Variants in RAD51C observed in about 807,000 individuals in gnomAD.
RAD51C encodes the protein RAD51 paralog C.
Under a neutral mutation model 45.0 loss-of-function variants are expected in RAD51C, and 42 were observed. That is an observed-to-expected ratio of 0.93 (90% confidence interval 0.73 to 1.21). The LOEUF (loss-of-function observed/expected upper bound fraction) is 1.21, where lower values mean the gene tolerates loss of function less well. RAD51C is among the 50% of genes most tolerant of loss of function. The pLI, the probability that RAD51C is intolerant of heterozygous loss-of-function variation, is 0.00. For synonymous variants in RAD51C, 172 were observed against 159.8 expected (o/e 1.08, Z -0.58); for missense variants, 474 against 452.2 (o/e 1.05, Z -0.44).
intron 8 of RAD51C, chr17:58,732,873 T>G: frequency 3.2e-6 from 1 of 311,826 alleles, no homozygotes; most frequent in Non-Finnish European, 6.1e-6. Context: ...TTACTTATTT[T>G]GGTCTGTAGG....
At position 58,734,115 on chromosome 17, in the gene RAD51C, C is replaced by T. The variant is rs587782459; in HGVS notation, c.1027-3C>T. 1.9e-6 allele frequency: 3 copies of T among 1,611,560 alleles called. No individual in the cohort carries two copies. The Admixed American group carries it at 5.0e-5, about 27-fold the overall frequency. On this transcript the variant is annotated splice_polypyrimidine_tract_variant and splice_region_variant and intron_variant, in intron 8 of 8. Transcript: ENST00000337432. ...ATTTGTATATATATTTTTTATCTTT[C>T]AGCCTCAGGGATTTAGAGATACTGT...
rs587780839 is a variant in RAD51C at position 58,703,226 on chromosome 17, T to C, written c.602T>C (p.Leu201Pro). The C allele has an allele frequency of 6.2e-7, 1 of 1,610,436 alleles. No individual in the cohort carries two copies. The highest frequency in any genetic ancestry group is 2.2e-5 in the East Asian group (1 of 44,796). The change falls in exon 4 of 9, where the codon CTT becomes CCT. Residue 201 changes from leucine to proline, a missense_variant. Transcript: ENST00000337432. ...EHRKALEDFT[L>P]DNILSHIYYF... is the part of the protein sequence containing the mutation. ...CGAAAAGCTTTGGAGGATTTCACTC[T>C]TGATAATATTCTTTCTCATATTTAT... is the stretch of plus-strand genomic sequence containing the variant.
chr17:58,716,960 C>G (rs1195517044), intron 5 of RAD51C, among the ~76,000 whole-genome samples: 1 of 151,948 alleles, frequency 6.6e-6, no homozygotes, highest in Non-Finnish European at 1.5e-5. Flanking sequence ...ACCACCACGC[C>G]CGGCTAATTT....
chr17:58,720,957 C>T (rs1234337066), intron 6 of RAD51C, 145 bp downstream of exon 6: 9 of 682,506 alleles, frequency 1.3e-5, no homozygotes, highest in South Asian at 5.1e-5. Context: ...AGCACAGTAC[C>T]GTTAGATACT....
rs962908093 is a variant in RAD51C, at chr17:58,714,456, T to C, written c.837+4466T>C. Among the ~76,000 whole-genome samples the C allele has an allele frequency of 5.3e-5, 8 of 152,142 alleles. No individual in the cohort carries two copies. In the East Asian group the frequency reaches 9.7e-4, roughly 18 times the overall value. The stretch of plus-strand genomic sequence containing the variant: ...TTACCAACTTTGGGTACCAGTCTTT[T>C]ATTTATTTATTTATATCTTTGAGAC... On this transcript the variant is annotated intron_variant, in intron 5 of 8. Coordinates refer to ENST00000337432, the MANE Select transcript of RAD51C (RefSeq NM_058216.3).
chr17:58,716,196 A>G (rs2143896003), intron 5 of RAD51C, among the ~76,000 whole-genome samples: 1 of 152,292 alleles, frequency 6.6e-6, no homozygotes, highest in East Asian at 1.9e-4. Flanking sequence ...TCGTTTTGCA[A>G]AAGTAATATA....
chr17:58,705,820 CT>C (rs1306686854), intron 4 of RAD51C: 1 of 150,612 alleles, frequency 6.6e-6, no homozygotes, highest in Non-Finnish European at 1.5e-5. Context: ...CCTTGCCCCC[CT>C]ACCCCCTACC....
At chr17:58,709,421 C>T (rs913208951) in intron 4 of RAD51C, among the ~76,000 whole-genome samples, 6 of 152,206 alleles carry the variant, frequency 3.9e-5, no homozygotes, top group South Asian at 2.1e-4. Flanking sequence ...AAGCAGAGTC[C>T]GTTTTAACTT....
rs1567782451 is a variant in RAD51C, at chr17:58,692,623, G to A, written c.-21G>A. On this transcript the variant is annotated 5_prime_UTR_variant, in exon 1 of 9. Coordinates refer to ENST00000337432, the MANE Select transcript of RAD51C (RefSeq NM_058216.3). ...GGGCGTGCGGAGTTTGGCTGCTCCG[G>A]GGTTAGCAGGTGAGCCTGCGATGCG... 1 of 1,613,538 alleles carries A rather than the reference G, an allele frequency of 6.2e-7. No homozygotes were observed. Among genetic ancestry groups the A allele is most frequent in the East Asian group, 2.2e-5 (1 of 44,876 alleles).
chr17:58,728,648 T>G (rs2049271603), intron 7 of RAD51C, among the ~76,000 whole-genome samples: 1 of 152,070 alleles, frequency 6.6e-6, no homozygotes, highest in Non-Finnish European at 1.5e-5. Context: ...TCCACCTACC[T>G]CGGCCTCCTA....
chr17:58,732,269 T>C, intron 7 of RAD51C: 1 of 454,386 alleles, frequency 2.2e-6, no homozygotes, highest in Non-Finnish European at 3.9e-6. Context: ...ATTGGACTTT[T>C]AGGTTGCTTT....
chr17:58,724,749 T>C (rs2143967835), intron 7 of RAD51C, among the ~76,000 whole-genome samples: 1 of 152,306 alleles, frequency 6.6e-6, no homozygotes, highest in African/African-American at 2.4e-5. Flanking sequence ...AGCTGTGAAG[T>C]CTTTTCTACA....
At chr17:58,694,701 C>T in intron 1 of RAD51C, 1 of 504,354 alleles carries the variant, frequency 2.0e-6, no homozygotes, top group South Asian at 2.0e-5. Context: ...TCTTCAACTC[C>T]TGACCTCAGG....
chr17:58,703,203 A>G lies in RAD51C; in HGVS notation c.579A>G (p.Arg193=), dbSNP rs770096766. The change falls in exon 4 of 9, where the codon CGA becomes CGG. Residue 193 remains arginine (R), a synonymous_variant. Coordinates refer to ENST00000337432, the MANE Select transcript of RAD51C (RefSeq NM_058216.3). ...AGTGTTTTGTTGTTTCAGAACACCG[A>G]AAAGCTTTGGAGGATTTCACTCTTG... ...IAEKHKGEEH[R]KALEDFTLDN... The G allele has an allele frequency of 1.2e-6, 2 of 1,611,986 alleles. No homozygotes were observed. Among genetic ancestry groups the G allele is most frequent in the East Asian group, 2.2e-5 (1 of 44,800 alleles).
intron 1 of RAD51C, chr17:58,693,150 A>C: frequency 3.6e-6 from 1 of 277,654 alleles, no homozygotes; most frequent in Non-Finnish European, 7.0e-6. Context: ...GTTAGGAAAT[A>C]CTGGAGTCAG....
chr17:58,729,325 C>T (rs1235307592), intron 7 of RAD51C, among the ~76,000 whole-genome samples: 1 of 151,944 alleles, frequency 6.6e-6, no homozygotes, highest in African/African-American at 2.4e-5. Context: ...TCAATCGATT[C>T]TTCTGCCTCA....
In RAD51C at chr17:58,709,794, G is replaced by C. The variant is rs2143848576; in HGVS notation, c.706-65G>C. ...AGGTCCCTGCTCTCTTGGAGAGAGA[G>C]AGCATTTTTATTATTATTATTTTAT... On this transcript the variant is annotated intron_variant, in intron 4 of 8. Transcript: ENST00000337432. The C allele has an allele frequency of 2.0e-6, 3 of 1,467,732 alleles. No homozygotes were observed. The Admixed American group carries it at 5.1e-5, about 25-fold the overall frequency. The allele number at this position is 1,467,732 out of a possible 1,614,324, so 90.9% of individuals were successfully genotyped here. A position where few individuals can be genotyped will look rare whatever the true frequency, so the allele number is the denominator to read the frequency against.
In RAD51C at chr17:58,734,137, C is replaced by T. The variant is rs776823687; in HGVS notation, c.1046C>T (p.Thr349Ile). ...TTTCAGCCTCAGGGATTTAGAGATA[C>T]TGTTGTTACTTCTGCATGTTCATTG... Reference protein sequence around the residue: ...FQIKPQGFRDTVVTSACSLQT... With the variant: ...FQIKPQGFRDIVVTSACSLQT... The change falls in exon 9 of 9, where the codon ACT (threonine) becomes ATT (isoleucine). Residue 349 changes from threonine to isoleucine, a missense_variant. Physicochemically the swap from Thr to Ile is moderately conservative, Grantham distance 89. Coordinates refer to ENST00000337432, the MANE Select transcript of RAD51C (RefSeq NM_058216.3). 11 of 1,613,244 alleles carry T rather than the reference C, an allele frequency of 6.8e-6. No individual in the cohort carries two copies. The South Asian group carries it at 7.7e-5, about 11-fold the overall frequency.
rs2047792065 is a variant in RAD51C at position 58,692,611 on chromosome 17, T to TTGGCTGCTCCGGG, written c.-32_-20dup. On this transcript the variant is annotated 5_prime_UTR_variant, in exon 1 of 9. Coordinates refer to ENST00000337432, the MANE Select transcript of RAD51C (RefSeq NM_058216.3). ...ACGCCCCAGCGAGGGCGTGCGGAGT[T>TTGGCTGCTCCGGG]TGGCTGCTCCGGGGTTAGCAGGTGA... 6.2e-7 allele frequency: 1 copy of TTGGCTGCTCCGGG among 1,612,974 alleles called. No homozygotes were observed. Among genetic ancestry groups the TTGGCTGCTCCGGG allele is most frequent in the African/African-American group, 1.3e-5 (1 of 75,022 alleles).
Sources: allele counts gnomAD v4.1 joint callset (sites outside exome capture counted in the v4.1 genomes callset), GRCh38; gene constraint gnomAD v4.1.1; transcripts MANE v1.5; gene names NCBI Gene and HGNC (gene_info 2026-07-23, HGNC 2026-07-21).